RALYL: variants seen among roughly 807,000 people sequenced by gnomAD.
RALYL encodes RNA-binding Raly-like protein.
RALYL carries 29 observed loss-of-function variants against 35.1 expected under a neutral mutation model. That is an observed-to-expected ratio of 0.83 (90% CI 0.61 to 1.13). The LOEUF (loss-of-function observed/expected upper bound fraction) is 1.13. Among genes scored for constraint, RALYL ranks in the 50% most tolerant of loss-of-function variants. The pLI is 0.00. For missense variants in RALYL, 359 were observed against 360.4 expected (o/e 1.00, Z 0.03); for synonymous variants, 120 against 127.6 (o/e 0.94, Z 0.40).
intron 1 of RALYL, among the ~76,000 whole-genome samples, chr8:84,476,774 T>G (rs1400613705): frequency 3.9e-5 from 6 of 152,188 alleles, no homozygotes; most frequent in Non-Finnish European, 1.5e-5. Context: ...TCCTATGCAG[T>G]GATGCAGCAG....
chr8:84,535,438 C>CTT (rs35056318), intron 2 of RALYL, among the ~76,000 whole-genome samples: 2,003 of 134,536 alleles, frequency 0.015, 52 homozygotes, highest in African/African-American at 0.041. Flanking sequence ...GCATCCCTGC[C>CTT]TTTTTTTTTT....
intron 2 of RALYL, among the ~76,000 whole-genome samples, chr8:84,630,714 G>A (rs1337797926): frequency 1.3e-5 from 2 of 152,018 alleles, no homozygotes; most frequent in African/African-American, 2.4e-5. Flanking sequence ...AATGACAGTG[G>A]TAATGGCTGT....
intron 1 of RALYL, among the ~76,000 whole-genome samples, chr8:84,205,749 A>G (rs990494109): frequency 2.0e-5 from 3 of 152,226 alleles, no homozygotes; most frequent in African/African-American, 7.2e-5. Context: ...ATAAATTCCC[A>G]TCAGTTTAGC....
intron 1 of RALYL, among the ~76,000 whole-genome samples, chr8:84,398,754 A>C (rs915200485): frequency 2.0e-5 from 3 of 152,170 alleles, no homozygotes; most frequent in African/African-American, 7.2e-5. Context: ...CGGGTCGATC[A>C]CCTGAGGTCA....
intron 1 of RALYL, among the ~76,000 whole-genome samples, chr8:84,479,583 C>T (rs2053839030): frequency 6.6e-6 from 1 of 152,074 alleles, no homozygotes; most frequent in Non-Finnish European, 1.5e-5. Context: ...TTGATTGTTT[C>T]TGTGTCTTTG....
rs918637545 is a variant in RALYL at position 84,617,089 on chromosome 8, C to T, written c.256+87512C>T. Among the ~76,000 whole-genome samples, 7 of 150,252 alleles carry T rather than the reference C, an allele frequency of 4.7e-5. No homozygotes were observed. The East Asian group carries it at 1.4e-3, about 29-fold the overall frequency. On this transcript the variant is annotated intron_variant, in intron 2 of 8. Transcript: ENST00000521268. ...CGGTGATGCAGGCTCTTTTTTGGTT[C>T]CATATGAACTTTAAAGTAGTTTTTT...
chr8:84,916,014 A>T (rs557145713), intron 8 of RALYL, among the ~76,000 whole-genome samples: 1 of 152,150 alleles, frequency 6.6e-6, no homozygotes, highest in Non-Finnish European at 1.5e-5. Flanking sequence ...CTATAGTATC[A>T]TAGAATTTAA....
At chr8:84,531,049 C>T (rs2059245807) in intron 2 of RALYL, among the ~76,000 whole-genome samples, 1 of 151,744 alleles carries the variant, frequency 6.6e-6, no homozygotes, top group Admixed American at 6.6e-5. Flanking sequence ...AGTCATCTTC[C>T]TCCTTCTTTC....
At chr8:84,881,874 TC>T (rs1294375306) in intron 7 of RALYL, among the ~76,000 whole-genome samples, 1 of 151,924 alleles carries the variant, frequency 6.6e-6, no homozygotes, top group Non-Finnish European at 1.5e-5. Context: ...AATTAGGCCT[TC>T]TTTTTTTAGA....
chr8:84,730,667 A>AT (rs113319749), intron 2 of RALYL, among the ~76,000 whole-genome samples: 50,005 of 151,882 alleles, frequency 0.33, 9,779 homozygotes, highest in African/African-American at 0.55. Context: ...TCTTCACTAT[A>AT]TTTCATTCCA....
At chr8:84,782,947 T>C (rs1818535642) in intron 3 of RALYL, among the ~76,000 whole-genome samples, 1 of 132,556 alleles carries the variant, frequency 7.5e-6, no homozygotes, top group Non-Finnish European at 1.6e-5. Flanking sequence ...TTTAGGACAG[T>C]CCTTAGTAGA....
chr8:84,883,418 C>T (rs1456061506), intron 7 of RALYL, among the ~76,000 whole-genome samples: 1 of 152,050 alleles, frequency 6.6e-6, no homozygotes, highest in Non-Finnish European at 1.5e-5. Context: ...GTTTAATGAA[C>T]TCACAGTTCC....
At chr8:84,604,739 G>A (rs1323565701) in intron 2 of RALYL, among the ~76,000 whole-genome samples, 1 of 152,036 alleles carries the variant, frequency 6.6e-6, no homozygotes, top group Non-Finnish European at 1.5e-5. Flanking sequence ...CCATCGATGT[G>A]TCACATTCGG....
intron 1 of RALYL, among the ~76,000 whole-genome samples, chr8:84,237,903 G>T (rs1563586570): frequency 6.6e-6 from 1 of 150,632 alleles, no homozygotes; most frequent in Non-Finnish European, 1.5e-5. Flanking sequence ...TGAAGAGAAA[G>T]GTACACCAAA....
chr8:84,705,426 G>A (rs1841026533), intron 2 of RALYL, among the ~76,000 whole-genome samples: 1 of 152,136 alleles, frequency 6.6e-6, no homozygotes, highest in Admixed American at 6.6e-5. Context: ...AAGTTCTGTG[G>A]ATATAAATGT....
chr8:84,205,136 A>G (rs1378906616), intron 1 of RALYL, among the ~76,000 whole-genome samples: 2 of 152,212 alleles, frequency 1.3e-5, no homozygotes, highest in African/African-American at 2.4e-5. Flanking sequence ...TTCGTTTTAT[A>G]TACATTGTTA....
At chr8:84,316,110 C>T (rs1218431373) in intron 1 of RALYL, among the ~76,000 whole-genome samples, 1 of 152,026 alleles carries the variant, frequency 6.6e-6, no homozygotes, top group African/African-American at 2.4e-5. Context: ...GTCCTTAAAG[C>T]TCACGTTTCC....
At chr8:84,349,724 G>T (rs532731419) in intron 1 of RALYL, among the ~76,000 whole-genome samples, 2 of 150,538 alleles carry the variant, frequency 1.3e-5, no homozygotes, top group Non-Finnish European at 3.0e-5. Context: ...AGAGTTCTGG[G>T]AAGCCAAGTT....
intron 7 of RALYL, among the ~76,000 whole-genome samples, chr8:84,886,697 A>G (rs1336778372): frequency 6.6e-6 from 1 of 152,190 alleles, no homozygotes; most frequent in Non-Finnish European, 1.5e-5. Flanking sequence ...GGAAATAATT[A>G]CGATGCTGTC....
Sources: allele counts gnomAD v4.1 joint callset (sites outside exome capture counted in the v4.1 genomes callset), GRCh38; gene constraint gnomAD v4.1.1; transcripts MANE v1.5; gene names NCBI Gene and HGNC (gene_info 2026-07-23, HGNC 2026-07-21).